Variants in PTPN3 observed in about 807,000 individuals in gnomAD.
PTPN3 encodes protein tyrosine phosphatase non-receptor type 3.
A neutral mutation model predicts 132.7 loss-of-function variants in PTPN3; 96 were observed. That is an observed-to-expected ratio of 0.72 (90% CI 0.61 to 0.86). The LOEUF (loss-of-function observed/expected upper bound fraction) is 0.86. Among genes scored for constraint, PTPN3 ranks in the 40% least tolerant of loss-of-function variants. The probability of loss-of-function intolerance (pLI) is 0.00; values close to 1 mark genes in which losing one functional copy is unlikely to be tolerated. For synonymous variants in PTPN3, 398 were observed against 429.0 expected (o/e 0.93, Z 0.89); for missense variants, 1,125 against 1,159.6 (o/e 0.97, Z 0.43).
chr9:109,445,977 C>T (rs1844826632), intron 6 of PTPN3, among the ~76,000 whole-genome samples: 1 of 152,166 alleles, frequency 6.6e-6, no homozygotes, highest in Non-Finnish European at 1.5e-5. Context: ...ACTGCTTTCC[C>T]AGGTGCCCTG....
rs1841398143 is a variant in PTPN3 at position 109,404,506 on chromosome 9, C to T, written c.1895G>A (p.Gly632Glu). The change falls in exon 19 of 26, where the codon GGA becomes GAA. Residue 632 changes from glycine to glutamate, a missense_variant. Coordinates refer to ENST00000374541, the MANE Select transcript of PTPN3 (RefSeq NM_002829.4). ...MCPEGGDTLE[G>E]SMAQLKKGLE... ...GCCCTTCTTTAGCTGTGCCATGGAT[C>T]CCTCCAAAGTGTCCCCACCCTCCGG... 6.4e-7 allele frequency: 1 copy of T among 1,555,372 alleles called. No homozygotes were observed. The highest frequency in any genetic ancestry group is 8.8e-7 in the Non-Finnish European group (1 of 1,140,850).
the PTPN3 span, among the ~76,000 whole-genome samples, chr9:109,530,582 T>C: frequency 6.6e-6 from 1 of 152,218 alleles, no homozygotes; most frequent in African/African-American, 2.4e-5. Context: ...TAACCAAAAG[T>C]GGAATTGTTG....
At chr9:109,475,800 T>C (rs1322397729) in intron 1 of PTPN3, among the ~76,000 whole-genome samples, 1 of 152,152 alleles carries the variant, frequency 6.6e-6, no homozygotes, top group Admixed American at 6.5e-5. Flanking sequence ...TCACAGTGCA[T>C]ACCAGCCAAG....
chr9:109,497,729 G>A (rs1455386311), intron 1 of PTPN3, among the ~76,000 whole-genome samples: 1 of 152,138 alleles, frequency 6.6e-6, no homozygotes, highest in African/African-American at 2.4e-5. Flanking sequence ...TTCGTGCCAG[G>A]CCCAGGAAAT....
intron 25 of PTPN3, among the ~76,000 whole-genome samples, chr9:109,380,636 C>A (rs1402954795): frequency 2.0e-5 from 3 of 152,172 alleles, no homozygotes; most frequent in Non-Finnish European, 2.9e-5. Flanking sequence ...AAAAACAGGG[C>A]AGAGAATGGC....
intron 1 of PTPN3, among the ~76,000 whole-genome samples, chr9:109,476,673 C>G (rs1362298320): frequency 6.6e-6 from 1 of 152,198 alleles, no homozygotes; most frequent in Non-Finnish European, 1.5e-5. Flanking sequence ...GGGTTCTAGT[C>G]TCTGCTCTGC....
chr9:109,385,472 C>T (rs1006161774), intron 22 of PTPN3, among the ~76,000 whole-genome samples: 2 of 152,136 alleles, frequency 1.3e-5, no homozygotes, highest in African/African-American at 4.8e-5. Context: ...TCAAAACAAC[C>T]CTATGAGGTA....
At chr9:109,498,551 C>T (rs1221325037), upstream of PTPN3, among the ~76,000 whole-genome samples, 1 of 152,150 alleles carries the variant, frequency 6.6e-6, no homozygotes, top group Non-Finnish European at 1.5e-5. The surrounding 1 kb of genome is among the most constrained non-coding windows in gnomAD (Gnocchi z 4.2). Context: ...TGGGCACCTA[C>T]TGTGTGCCAG....
chr9:109,448,290 G>A (rs1844995400), intron 6 of PTPN3, among the ~76,000 whole-genome samples: 1 of 152,156 alleles, frequency 6.6e-6, no homozygotes. Flanking sequence ...TTTACCTGCT[G>A]CAGTTTCTTC....
At chr9:109,416,643 TG>T (rs1420948047) in intron 14 of PTPN3, among the ~76,000 whole-genome samples, 1 of 151,984 alleles carries the variant, frequency 6.6e-6, no homozygotes, top group Non-Finnish European at 1.5e-5. Context: ...AATGGGGTTT[TG>T]CCATGTTGCC....
At chr9:109,534,967 A>G in the PTPN3 span, among the ~76,000 whole-genome samples, 78 of 152,378 alleles carry the variant, frequency 5.1e-4, no homozygotes, top group Admixed American at 5.1e-3. Context: ...TCTAATAAAA[A>G]GCAGGCTTAC....
chr9:109,485,543 T>G (rs1178752709), intron 1 of PTPN3, among the ~76,000 whole-genome samples: 1 of 151,812 alleles, frequency 6.6e-6, no homozygotes, highest in African/African-American at 2.4e-5. Context: ...AAATAAAAAG[T>G]AAAAATAAAA....
At chr9:109,523,721 C>T in the PTPN3 span, among the ~76,000 whole-genome samples, 1 of 152,300 alleles carries the variant, frequency 6.6e-6, no homozygotes, top group Non-Finnish European at 1.5e-5. Flanking sequence ...TCACCCCATA[C>T]ATGCCTAGAC....
intron 24 of PTPN3, 81 bp from the exon 25 acceptor site, chr9:109,381,868 T>TCCAAAGGGGCTTTCCTCCCTTG: frequency 6.5e-7 from 1 of 1,532,596 alleles, no homozygotes; most frequent in Non-Finnish European, 9.0e-7. Flanking sequence ...CCCCGCTGAC[T>TCCAAAGGGGCTTTCCTCCCTTG]CCAAAGGGGC....
chr9:109,461,821 G>T (rs182910975), intron 2 of PTPN3, among the ~76,000 whole-genome samples: 1 of 150,550 alleles, frequency 6.6e-6, no homozygotes, highest in East Asian at 1.9e-4. Context: ...ACATGCGGCT[G>T]GGGGGCTCCC....
At chr9:109,474,464 G>A (rs974927455) in intron 1 of PTPN3, among the ~76,000 whole-genome samples, 1 of 152,122 alleles carries the variant, frequency 6.6e-6, no homozygotes, top group African/African-American at 2.4e-5. Context: ...AAGCCCCAGG[G>A]TGCTGGAGGA....
intron 1 of PTPN3, among the ~76,000 whole-genome samples, chr9:109,480,808 TGA>T (rs1435654071): frequency 6.6e-6 from 1 of 152,206 alleles, no homozygotes; most frequent in African/African-American, 2.4e-5. Context: ...AGGCTGGGTC[TGA>T]GTCTTTAAAA....
At chr9:109,431,193 C>A (rs900969793) in intron 10 of PTPN3, among the ~76,000 whole-genome samples, 1 of 152,184 alleles carries the variant, frequency 6.6e-6, no homozygotes, top group Non-Finnish European at 1.5e-5. Flanking sequence ...GTTGGAGAGT[C>A]CCTGCAGGCT....
chr9:109,431,210 A>C (rs561951524), intron 10 of PTPN3, among the ~76,000 whole-genome samples: 5 of 152,202 alleles, frequency 3.3e-5, no homozygotes, highest in Admixed American at 3.3e-4. Flanking sequence ...GGCTCTGCCA[A>C]AAAGGCTTCT....
Sources: allele counts gnomAD v4.1 joint callset (sites outside exome capture counted in the v4.1 genomes callset), GRCh38; gene constraint gnomAD v4.1.1; non-coding constraint Gnocchi (gnomAD v3.1); transcripts MANE v1.5; gene names NCBI Gene and HGNC (gene_info 2026-07-23, HGNC 2026-07-21).